Variants in CCSER1 observed in about 807,000 individuals in gnomAD.
CCSER1 encodes the protein serine-rich coiled-coil domain-containing protein 1.
In CCSER1, 41 loss-of-function variants were observed where a neutral mutation model predicts 82.0. The ratio of observed to expected loss-of-function variants is 0.50; its 90% CI spans 0.39 to 0.65. The LOEUF (loss-of-function observed/expected upper bound fraction) is 0.65, where lower values mean the gene tolerates loss of function less well. Among genes scored for constraint, CCSER1 ranks in the 30% least tolerant of loss-of-function variants. The pLI is 0.00. For missense variants in CCSER1, 1,119 were observed against 1,064.2 expected (o/e 1.05, Z -0.72); for synonymous variants, 414 against 383.9 (o/e 1.08, Z -0.92).
chr4:91,201,955 A>G (rs1428015559), intron 10 of CCSER1, among the ~76,000 whole-genome samples: 3 of 152,128 alleles, frequency 2.0e-5, no homozygotes, highest in East Asian at 3.9e-4. Context: ...ATGATACATT[A>G]CACTCTGCTA....
At chr4:90,782,046 A>T in intron 7 of CCSER1, 1 of 734,092 alleles carries the variant, frequency 1.4e-6, no homozygotes, top group Non-Finnish European at 1.7e-6. Context: ...AGGCAGTAAA[A>T]TTATTTCCTG....
chr4:91,155,860 A>G (rs1378710540), intron 10 of CCSER1, among the ~76,000 whole-genome samples: 2 of 151,924 alleles, frequency 1.3e-5, no homozygotes, highest in Non-Finnish European at 2.9e-5. Flanking sequence ...GGATTCAAGA[A>G]CAAGACCATA....
At chr4:91,396,794 A>G (rs746213001) in intron 10 of CCSER1, among the ~76,000 whole-genome samples, 6 of 152,078 alleles carry the variant, frequency 3.9e-5, no homozygotes, top group Non-Finnish European at 8.8e-5. Flanking sequence ...TCAATAACTC[A>G]TAAATCAAAA....
chr4:90,504,656 A>G (rs1770420974), intron 5 of CCSER1, among the ~76,000 whole-genome samples: 1 of 152,192 alleles, frequency 6.6e-6, no homozygotes, highest in African/African-American at 2.4e-5. Flanking sequence ...TTTCCTCTCA[A>G]ATTCTCACCT....
At chr4:90,492,729 C>T (rs754120504) in intron 5 of CCSER1, among the ~76,000 whole-genome samples, 5 of 152,168 alleles carry the variant, frequency 3.3e-5, no homozygotes, top group Admixed American at 6.5e-5. Context: ...TCTTTGTTCT[C>T]ATTGGTTTCA....
chr4:90,496,331 T>A (rs1011272914), intron 5 of CCSER1, among the ~76,000 whole-genome samples: 3 of 152,180 alleles, frequency 2.0e-5, no homozygotes, highest in Non-Finnish European at 4.4e-5. Context: ...ATACTCAAAC[T>A]TATTTCACTC....
intron 10 of CCSER1, among the ~76,000 whole-genome samples, chr4:91,246,356 A>C (rs1333498731): frequency 6.6e-6 from 1 of 152,190 alleles, no homozygotes; most frequent in East Asian, 1.9e-4. Context: ...TCAAATTGAG[A>C]AACGTACAAC....
intron 3 of CCSER1, among the ~76,000 whole-genome samples, chr4:90,343,742 A>T (rs1281358232): frequency 1.3e-5 from 2 of 151,964 alleles, no homozygotes; most frequent in Non-Finnish European, 2.9e-5. Context: ...AATTTATTTT[A>T]TTTTTCTTAA....
intron 6 of CCSER1, among the ~76,000 whole-genome samples, chr4:90,635,012 T>TAAA (rs140874894): frequency 0.014 from 2,073 of 151,852 alleles, 53 homozygotes; most frequent in African/African-American, 0.048. Flanking sequence ...AGTCAGTTCT[T>TAAA]TAGGAAGACA....
intron 9 of CCSER1, among the ~76,000 whole-genome samples, chr4:91,015,100 T>A (rs531112161): frequency 3.3e-4 from 50 of 152,136 alleles, no homozygotes; most frequent in Non-Finnish European, 7.4e-5. Context: ...ATCCCATATT[T>A]ATTAACTGAT....
chr4:91,198,933 C>G (rs988046711), intron 10 of CCSER1, among the ~76,000 whole-genome samples: 3 of 152,090 alleles, frequency 2.0e-5, no homozygotes, highest in African/African-American at 7.2e-5. Flanking sequence ...CTTTCCCTTT[C>G]TCTTTCTATT....
chr4:91,349,445 G>T (rs1424369077), intron 10 of CCSER1, among the ~76,000 whole-genome samples: 1 of 152,024 alleles, frequency 6.6e-6, no homozygotes, highest in African/African-American at 2.4e-5. Flanking sequence ...TTGTAGAAAG[G>T]CAAATGGTCT....
intron 5 of CCSER1, among the ~76,000 whole-genome samples, chr4:90,592,504 C>T (rs767051224): frequency 8.5e-5 from 13 of 152,168 alleles, no homozygotes; most frequent in Non-Finnish European, 1.5e-4. Flanking sequence ...AATTTGTGCT[C>T]AATTTTGGGA....
chr4:90,645,682 C>G (rs1727446730), intron 6 of CCSER1, among the ~76,000 whole-genome samples: 1 of 152,122 alleles, frequency 6.6e-6, no homozygotes, highest in African/African-American at 2.4e-5. Context: ...GTCATAAAAA[C>G]ATGCTTTGAT....
chr4:91,269,318 C>T lies in CCSER1; in HGVS notation c.2217+183324C>T, dbSNP rs187352505. The stretch of plus-strand genomic sequence containing the variant: ...TAGTAGCCATTTCTTGTATAAGTAC[C>T]TAAAATGCACACATCTGAATACTTT... On this transcript the variant is annotated intron_variant, in intron 10 of 10. Coordinates refer to ENST00000509176, the MANE Select transcript of CCSER1 (RefSeq NM_001145065.2). Among the ~76,000 whole-genome samples, 261 of 152,264 alleles carry T rather than the reference C, an allele frequency of 1.7e-3. 2 individuals carry two copies. Among genetic ancestry groups the T allele is most frequent in the African/African-American group, 5.8e-3 (243 of 41,550 alleles).
intron 8 of CCSER1, among the ~76,000 whole-genome samples, chr4:90,893,827 T>A: frequency 6.6e-6 from 1 of 151,908 alleles, no homozygotes; most frequent in Non-Finnish European, 1.5e-5. Context: ...CAATATGTGT[T>A]ATTTATATAA....
chr4:91,212,336 T>C (rs941311864), intron 10 of CCSER1, among the ~76,000 whole-genome samples: 1 of 152,032 alleles, frequency 6.6e-6, no homozygotes, highest in Non-Finnish European at 1.5e-5. Flanking sequence ...TTGAGATCCT[T>C]GGTGGTTTGG....
intron 10 of CCSER1, among the ~76,000 whole-genome samples, chr4:91,558,873 A>AT (rs1762527923): frequency 6.6e-6 from 1 of 151,594 alleles, no homozygotes; most frequent in Non-Finnish European, 1.5e-5. Context: ...CAGCCAAACC[A>AT]TATCACCATT....
intron 10 of CCSER1, among the ~76,000 whole-genome samples, chr4:91,094,885 GGT>G (rs1353546048): frequency 6.6e-5 from 10 of 152,246 alleles, no homozygotes; most frequent in African/African-American, 2.4e-4. Flanking sequence ...TAAAGGAAAT[GGT>G]GTCTCTCAGC....
Sources: gnomAD v4.1 joint callset for allele counts (sites outside exome capture counted in the v4.1 genomes callset) on GRCh38, gnomAD v4.1.1 for gene constraint, MANE v1.5 for transcripts, NCBI Gene and HGNC (gene_info 2026-07-23, HGNC 2026-07-21) for gene names.